DIAPH2: variants seen among roughly 807,000 people sequenced by gnomAD.
DIAPH2 encodes the protein protein diaphanous homolog 2.
In DIAPH2, 35 loss-of-function variants were observed where a neutral mutation model predicts 92.7. That is an observed-to-expected ratio of 0.38 (90% confidence interval 0.29 to 0.50). The LOEUF (loss-of-function observed/expected upper bound fraction) is 0.50, where lower values mean the gene tolerates loss of function less well. Among genes scored for constraint, DIAPH2 ranks in the 20% least tolerant of loss-of-function variants. The pLI is 0.94. For missense variants in DIAPH2, 701 were observed against 819.5 expected, an observed-to-expected ratio of 0.86 and a Z score of 1.77; for synonymous variants, 301 against 280.4, an observed-to-expected ratio of 1.07 and a Z score of -0.73.
intron 1 of DIAPH2, among the ~76,000 whole-genome samples, chrX:96,691,984 G>C (rs2063800220): frequency 8.9e-6 from 1 of 111,985 alleles, no homozygotes; most frequent in Non-Finnish European, 1.9e-5. Flanking sequence ...TAGACATCCA[G>C]GCTTTAAAAA....
chrX:96,803,621 T>A (rs911756406), intron 4 of DIAPH2, among the ~76,000 whole-genome samples: 1 of 112,519 alleles, frequency 8.9e-6, no homozygotes, highest in African/African-American at 3.2e-5. Context: ...CATACTCTAT[T>A]AATAGCACTT....
At chrX:96,976,004 T>TCTCC (rs757806509) in intron 17 of DIAPH2, among the ~76,000 whole-genome samples, 5,422 of 94,568 alleles carry the variant, frequency 0.057, 284 homozygotes, top group African/African-American at 0.11. Context: ...TCCTTCCCTC[T>TCTCC]CTCCCTCCCT....
In DIAPH2 at chrX:97,187,281, C is replaced by CTTTTTTTTTTTTTTTTTTTTTTTTTTTTT. The variant is rs763781923; in HGVS notation, c.2719+45510_2719+45511insTTTTTTTTTTTTTTTTTTTTTTTTTTTTT. On this transcript the variant is annotated intron_variant, in intron 22 of 26. Coordinates refer to ENST00000324765, the MANE Select transcript of DIAPH2 (RefSeq NM_006729.5). ...AGGGATTGAAGACTAATTAAGTAGC[C>CTTTTTTTTTTTTTTTTTTTTTTTTTTTTT]TTTTTTTTTTTTTTTTTTTTTTTGC... is the stretch of plus-strand genomic sequence containing the variant. 1.1e-4 allele frequency among the ~76,000 whole-genome samples: 4 copies of CTTTTTTTTTTTTTTTTTTTTTTTTTTTTT among 36,883 alleles called. 1 individual carries two copies. The highest frequency in any genetic ancestry group is 1.2e-3 in the Admixed American group (2 of 1,680). 32.0% of individuals were successfully genotyped at this position (36,883 alleles called of 115,157 possible). A position where few individuals can be genotyped will look rare whatever the true frequency, so the allele number is the denominator to read the frequency against.
intron 9 of DIAPH2, among the ~76,000 whole-genome samples, chrX:96,927,013 A>G (rs1253007904): frequency 1.8e-5 from 2 of 111,554 alleles, no homozygotes; most frequent in East Asian, 5.6e-4. Flanking sequence ...ATTCAATTCA[A>G]GGGCATTTGT....
At chrX:97,478,237 G>A (rs6620287) in intron 26 of DIAPH2, among the ~76,000 whole-genome samples, 1 of 112,006 alleles carries the variant, frequency 8.9e-6, no homozygotes, top group Admixed American at 9.5e-5. Context: ...CTTCTTGCTA[G>A]TAAAGCCAAA....
chrX:96,838,329 A>G (rs757205409), intron 4 of DIAPH2, among the ~76,000 whole-genome samples: 1 of 111,938 alleles, frequency 8.9e-6, no homozygotes, highest in Admixed American at 9.5e-5. Context: ...TATAGTAAGC[A>G]TGTGGCCCCT....
At chrX:97,570,127 A>AAGATAGATAGATAGAT (rs56210210) in intron 26 of DIAPH2, among the ~76,000 whole-genome samples, 38 of 27,316 alleles carry the variant, frequency 1.4e-3, no homozygotes, top group East Asian at 7.7e-3. Context: ...TATATATTAG[A>AAGATAGATAGATAGAT]AGATAGATAG....
chrX:97,539,822 G>T (rs1215979322), intron 26 of DIAPH2, among the ~76,000 whole-genome samples: 1 of 110,840 alleles, frequency 9.0e-6, no homozygotes, highest in Non-Finnish European at 1.9e-5. Context: ...CTACTGGAAG[G>T]TACCATGGAA....
chrX:97,164,421 C>T (rs1313234905), intron 22 of DIAPH2, among the ~76,000 whole-genome samples: 2 of 111,219 alleles, frequency 1.8e-5, no homozygotes, highest in African/African-American at 6.5e-5. Context: ...TACTGTCTGT[C>T]GGCAAAAGTG....
At chrX:96,848,185 G>A (rs1056796304) in intron 4 of DIAPH2, among the ~76,000 whole-genome samples, 2 of 110,684 alleles carry the variant, frequency 1.8e-5, no homozygotes, top group African/African-American at 3.3e-5. Context: ...GAGAATAGGT[G>A]CACAACACCA....
At chrX:97,112,541 A>C (rs774795694) in intron 20 of DIAPH2, among the ~76,000 whole-genome samples, 2 of 110,269 alleles carry the variant, frequency 1.8e-5, no homozygotes, top group Non-Finnish European at 3.8e-5. Flanking sequence ...ATACACAAAG[A>C]GACCTGCAAA....
intron 1 of DIAPH2, among the ~76,000 whole-genome samples, chrX:96,722,354 C>T (rs1253918590): frequency 9.2e-6 from 1 of 109,038 alleles, no homozygotes; most frequent in African/African-American, 3.3e-5. Context: ...GAGACTCCGT[C>T]TTAGAAAAAA....
intron 26 of DIAPH2, among the ~76,000 whole-genome samples, chrX:97,572,064 C>G (rs1569426659): frequency 1.1e-5 from 1 of 93,985 alleles, no homozygotes; most frequent in Non-Finnish European, 2.1e-5. Context: ...GGAACTTGTG[C>G]TAGTCTCCTG....
chrX:97,289,636 A>G (rs1401818782), intron 23 of DIAPH2, among the ~76,000 whole-genome samples: 4 of 111,491 alleles, frequency 3.6e-5, no homozygotes, highest in Non-Finnish European at 5.6e-5. Context: ...TCTGAGAACC[A>G]TGGGTTCCTA....
chrX:96,985,467 T>C (rs1268911672), intron 17 of DIAPH2, among the ~76,000 whole-genome samples: 2 of 110,849 alleles, frequency 1.8e-5, no homozygotes, highest in East Asian at 5.7e-4. Context: ...ATTTTGTGTT[T>C]GTACCAAACA....
At chrX:97,232,186 G>A (rs1024977975) in intron 22 of DIAPH2, among the ~76,000 whole-genome samples, 1 of 110,194 alleles carries the variant, frequency 9.1e-6, no homozygotes. Flanking sequence ...TGCCTCTGGC[G>A]CCTGTTTTTC....
At chrX:96,996,548 G>C (rs1240704816) in intron 17 of DIAPH2, among the ~76,000 whole-genome samples, 1 of 111,461 alleles carries the variant, frequency 9.0e-6, no homozygotes, top group Non-Finnish European at 1.9e-5. Context: ...TGACAATACT[G>C]TCACAATTGT....
At chrX:96,848,562 C>CA (rs1281102224) in intron 4 of DIAPH2, among the ~76,000 whole-genome samples, 1 of 110,545 alleles carries the variant, frequency 9.0e-6, no homozygotes, top group African/African-American at 3.3e-5. Flanking sequence ...GGGCATTTTC[C>CA]AAGTCGTTAT....
rs765545930 is a variant in DIAPH2, at chrX:97,099,725, T to C, written c.2279T>C (p.Ile760Thr). The C allele has an allele frequency of 3.5e-5, 42 of 1,184,975 alleles. No homozygotes were observed. The highest frequency in any genetic ancestry group is 4.4e-5 in the Non-Finnish European group (39 of 883,854). ...NLVKHLPEQK[I>T]LNELAELKNE... is the part of the protein sequence containing the mutation. ...GTGAAACATCTTCCTGAGCAGAAGA[T>C]ACTCAACGAATTAGCAGAGCTTAAG... Residue 760 changes from isoleucine to threonine, a missense_variant, in exon 20 of 27, where the codon ATA becomes ACA. Physicochemically the swap from Ile to Thr is moderately conservative, Grantham distance 89 (BLOSUM62 -1). Coordinates refer to ENST00000324765, the MANE Select transcript of DIAPH2 (RefSeq NM_006729.5).
Sources: gnomAD v4.1 joint callset for allele counts (sites outside exome capture counted in the v4.1 genomes callset) on GRCh38, gnomAD v4.1.1 for gene constraint, MANE v1.5 for transcripts, NCBI Gene and HGNC (gene_info 2026-07-23, HGNC 2026-07-21) for gene names.